SDS: variants seen among roughly 807,000 people sequenced by gnomAD.
SDS encodes the protein L-serine dehydratase/L-threonine deaminase.
In SDS, 19 loss-of-function variants were observed where a neutral mutation model predicts 29.3. The observed-to-expected ratio is 0.65, with a 90% CI of 0.45 to 0.95. The LOEUF (loss-of-function observed/expected upper bound fraction) is 0.95. SDS is among the 40% of genes least tolerant of loss of function. The pLI, the probability that SDS is intolerant of heterozygous loss-of-function variation, is 0.00. For synonymous variants in SDS, 176 were observed against 189.0 expected (o/e 0.93, Z 0.56); for missense variants, 375 against 439.9 (o/e 0.85, Z 1.32).
At chr12:113,393,355 T>TAA (rs1488999163) in intron 7 of SDS, among the ~76,000 whole-genome samples, 3 of 152,246 alleles carry the variant, frequency 2.0e-5, no homozygotes, top group Non-Finnish European at 4.4e-5. Context: ...TCATGAGTGC[T>TAA]AACACTGATA....
Position 113,397,310 on chromosome 12 carries a change from C to G in SDS, c.508G>C (p.Gly170Arg). Residue 170 changes from glycine (G) to arginine (R), a missense_variant, in exon 6 of 8, where the codon GGG (glycine) becomes CGG (arginine). Gly to Arg is a moderately radical substitution (Grantham distance 125). Coordinates refer to ENST00000257549, the MANE Select transcript of SDS (RefSeq NM_006843.3). The stretch of plus-strand genomic sequence containing the variant: ...TGGACCACTCCACACAGCAGGCCCC[C>G]GCCGCCCACTGACAGCGCGATGGCC... ...PGAIALSVGG[G>R]GLLCGVVQGL... 3 of 1,614,112 alleles carry G rather than the reference C, an allele frequency of 1.9e-6. No individual in the cohort carries two copies. Among genetic ancestry groups the G allele is most frequent in the Non-Finnish European group, 2.5e-6 (3 of 1,179,976 alleles).
At chr12:113,394,740 C>A (rs925507231) in intron 6 of SDS, among the ~76,000 whole-genome samples, 2 of 152,066 alleles carry the variant, frequency 1.3e-5, no homozygotes, top group Non-Finnish European at 2.9e-5. Context: ...CTAAGAGGAC[C>A]CTTGTTGTTC....
At position 113,398,794 on chromosome 12, in the gene SDS, G is replaced by C. The variant is rs559276465; in HGVS notation, c.246C>G (p.Pro82=). The change falls in exon 4 of 8, where the codon CCC becomes CCG. Residue 82 remains proline (P), a synonymous_variant. Coordinates refer to ENST00000257549, the MANE Select transcript of SDS (RefSeq NM_006843.3). ...AAYAARQLGV[P]ATIVVPSTTP... is the part of the protein sequence containing the mutation. ...TGGTGCTGGGCACCACGATGGTGGCGGGGACGCCGAGTTGCCTGGCCGCAT... is the reference window on the plus strand; with the variant it reads ...TGGTGCTGGGCACCACGATGGTGGCCGGGACGCCGAGTTGCCTGGCCGCAT... The C allele has an allele frequency of 1.2e-6, 2 of 1,613,250 alleles. No individual in the cohort carries two copies. The highest frequency in any genetic ancestry group is 1.7e-6 in the Non-Finnish European group (2 of 1,179,758).
At position 113,398,827 on chromosome 12, in the gene SDS, C is replaced by G; in HGVS notation, c.213G>C (p.Ala71=). The G allele has an allele frequency of 6.2e-7, 1 of 1,608,792 alleles. No homozygotes were observed. The highest frequency in any genetic ancestry group is 8.5e-7 in the Non-Finnish European group (1 of 1,177,792). The change falls in exon 4 of 8, where the codon GCG becomes GCC. Residue 71 remains alanine (A), a synonymous_variant. Coordinates refer to ENST00000257549, the MANE Select transcript of SDS (RefSeq NM_006843.3). ...CGAGTTGCCTGGCCGCATATGCAGC[C>G]GCCATGCCTGCGTTGCCCGCTGCCA... ...VCSSAGNAGM[A]AAYAARQLGV... is the part of the protein sequence containing the mutation.
chr12:113,400,240 C>A (rs568823517), intron 1 of SDS, among the ~76,000 whole-genome samples: 1 of 151,100 alleles, frequency 6.6e-6, no homozygotes, highest in African/African-American at 2.4e-5. Context: ...TTGCAGTGAG[C>A]GAGATCGCGC....
chr12:113,393,300 GGCCTGAATTGGCCCTTCCAA>G lies in SDS; in HGVS notation c.779-171_779-152del, dbSNP rs1957623332. On this transcript the variant is annotated intron_variant, in intron 7 of 7. Coordinates refer to ENST00000257549, the MANE Select transcript of SDS (RefSeq NM_006843.3). Reference sequence around the variant, plus strand: ...GTCCTGAACCAAACGTCCCGTCATCGGCCTGAATTGGCCCTTCCAAGCCTGAGCCAGGGCCTGGGTTTCAT... The same window carrying G: ...GTCCTGAACCAAACGTCCCGTCATCGGCCTGAGCCAGGGCCTGGGTTTCAT... 4.0e-6 allele frequency: 3 copies of G among 745,190 alleles called. No homozygotes were observed. In the South Asian group the frequency reaches 4.7e-5, roughly 12 times the overall value. The allele number at this position is 745,190 out of a possible 1,614,324, so 46.2% of individuals were successfully genotyped here.
intron 6 of SDS, among the ~76,000 whole-genome samples, chr12:113,394,346 T>TG (rs1383892288): frequency 1.3e-3 from 192 of 150,550 alleles, no homozygotes; most frequent in African/African-American, 4.4e-3. Flanking sequence ...TTTTTTTGTT[T>TG]TTTTTTTTTT....
In SDS at chr12:113,394,340, T is replaced by G. The variant is rs71442755; in HGVS notation, c.654-324A>C. ...GTTTTGTTTGTTTTTTTGTTGTTTT[T>G]TTGTTTTTTTTTTTTTTTAGACGGA... is the stretch of plus-strand genomic sequence containing the variant. On this transcript the variant is annotated intron_variant, in intron 6 of 7. Coordinates refer to ENST00000257549, the MANE Select transcript of SDS (RefSeq NM_006843.3). Among the ~76,000 whole-genome samples, 10 of 150,408 alleles carry G rather than the reference T, an allele frequency of 6.6e-5. No individual in the cohort carries two copies. The East Asian group carries it at 1.8e-3, about 26-fold the overall frequency.
At position 113,399,718 on chromosome 12, in the gene SDS, A is replaced by G; in HGVS notation, c.-2-8T>C. ...GTTCTCCAGACATCATTCCTGGGAG[A>G]AAGGAAGGAAACCCAGAGGGTTAGG... is the stretch of plus-strand genomic sequence containing the variant. On this transcript the variant is annotated splice_polypyrimidine_tract_variant and splice_region_variant and intron_variant, in intron 1 of 7. Coordinates refer to ENST00000257549, the MANE Select transcript of SDS (RefSeq NM_006843.3). The G allele has an allele frequency of 6.4e-7, 1 of 1,558,280 alleles. No individual in the cohort carries two copies. Among genetic ancestry groups the G allele is most frequent in the Non-Finnish European group, 8.7e-7 (1 of 1,151,508 alleles).
chr12:113,398,615 C>T lies in SDS; in HGVS notation c.334-9G>A. ...AAGGCTTCATCCAATAACTGCAAAG[C>T]CACAGGGGAGATAGGAGGGGGTGAG... On this transcript the variant is annotated splice_polypyrimidine_tract_variant and intron_variant, in intron 4 of 7. Coordinates refer to ENST00000257549, the MANE Select transcript of SDS (RefSeq NM_006843.3). The T allele has an allele frequency of 6.3e-7, 1 of 1,598,040 alleles. No homozygotes were observed. Among genetic ancestry groups the T allele is most frequent in the South Asian group, 1.1e-5 (1 of 89,848 alleles).
Position 113,399,124 on chromosome 12 carries a change from C to A in SDS, c.181G>T (p.Val61Phe). 1.9e-6 allele frequency: 3 copies of A among 1,613,990 alleles called. No individual in the cohort carries two copies. Among genetic ancestry groups the A allele is most frequent in the East Asian group, 2.2e-5 (1 of 44,890 alleles). ...RWAKQGCAHF[V>F]CSSAGNAGMA... ...GCAGATCACTTACCCGAGGAGCAGA[C>A]AAAATGTGCACAGCCTTGCTTGGCC... Residue 61 changes from valine to phenylalanine, a missense_variant, in exon 3 of 8, where the codon GTC (valine) becomes TTC (phenylalanine). By Grantham distance (50) the Val-to-Phe change is conservative. Coordinates refer to ENST00000257549, the MANE Select transcript of SDS (RefSeq NM_006843.3).
chr12:113,403,555 G>A (rs928998517), intron 1 of SDS, among the ~76,000 whole-genome samples: 4 of 151,902 alleles, frequency 2.6e-5, no homozygotes, highest in Non-Finnish European at 4.4e-5. Flanking sequence ...GTAGAGATTG[G>A]GGGGGGTCTC....
rs550939841 is a variant in SDS, at chr12:113,400,782, C to T, written c.-2-1072G>A. Among the ~76,000 whole-genome samples, 8 of 152,058 alleles carry T rather than the reference C, an allele frequency of 5.3e-5. No individual in the cohort carries two copies. In the South Asian group the frequency reaches 8.3e-4, roughly 16 times the overall value. On this transcript the variant is annotated intron_variant, in intron 1 of 7. Transcript: ENST00000257549. ...GGGGCCTCTGAGGAGAGCTGGCCCT[C>T]GGGATCATAGCACCCACCTTTTGCA...
chr12:113,393,055 G>C lies in SDS; in HGVS notation c.873C>G (p.Leu291=), dbSNP rs2044517343. 6.2e-7 allele frequency: 1 copy of C among 1,614,246 alleles called. No individual in the cohort carries two copies. The highest frequency in any genetic ancestry group is 8.5e-7 in the Non-Finnish European group (1 of 1,180,040). ...CCACGAGGGATGGCAGCGGGGTTCG[G>C]AGATTCCCCTCCAGTTGGAGCTTCT... ...VIQKLQLEGN[L]RTPLPSLVVI... is the part of the protein sequence containing the mutation. Residue 291 remains leucine, a synonymous_variant, in exon 8 of 8, where the codon CTC becomes CTG. Coordinates refer to ENST00000257549, the MANE Select transcript of SDS (RefSeq NM_006843.3).
At chr12:113,396,796 A>T (rs981948362) in intron 6 of SDS, 12 of 233,740 alleles carry the variant, frequency 5.1e-5, no homozygotes, top group Admixed American at 1.0e-4. Flanking sequence ...CAGTTAATTT[A>T]AAAAAAAAAC....
rs757519540 is a variant in SDS, at chr12:113,398,468, A to AG, written c.425+46dup. 4 of 1,182,646 alleles carry AG rather than the reference A, an allele frequency of 3.4e-6. No homozygotes were observed. In the Admixed American group the frequency reaches 8.4e-5, roughly 25 times the overall value. 73.3% of individuals were successfully genotyped at this position (1,182,646 alleles called of 1,614,324 possible). ...CATAGCAATGCCTGCCCAGTGATAT[A>AG]GGGCAGTGGCTGCCACCCCCACCAA... On this transcript the variant is annotated intron_variant, in intron 5 of 7. Transcript: ENST00000257549.
At chr12:113,399,492 C>A in intron 2 of SDS, 64 bp downstream of exon 2, 1 of 1,458,938 alleles carries the variant, frequency 6.9e-7, no homozygotes, top group South Asian at 1.4e-5. Flanking sequence ...CAGCACTGGC[C>A]CTGCCCTGTT....
chr12:113,396,540 CTCTCCCTTCCTT>C (rs1957646870), intron 6 of SDS: 1 of 60,120 alleles, frequency 1.7e-5, no homozygotes, highest in South Asian at 7.5e-4. Flanking sequence ...CTCCCTCCCT[CTCTCCCTTCCTT>C]CCTTCCTTCC....
At position 113,393,930 on chromosome 12, in the gene SDS, G is replaced by C. The variant is rs756631348; in HGVS notation, c.740C>G (p.Ser247Trp). ...QEHPIFSEVI[S>W]DQEAVAAIEK... ...AATGGCGGCCACAGCCTCCTGGTCCGAGATAACTTCAGAGAAAATGGGGTG... is the reference window on the plus strand; with the variant it reads ...AATGGCGGCCACAGCCTCCTGGTCCCAGATAACTTCAGAGAAAATGGGGTG... Residue 247 changes from serine to tryptophan, a missense_variant, in exon 7 of 8, where the codon TCG becomes TGG. Physicochemically the swap from Ser to Trp is radical, Grantham distance 177 (BLOSUM62 -3). Transcript: ENST00000257549. 1.2e-6 allele frequency: 2 copies of C among 1,614,058 alleles called. No individual in the cohort carries two copies. Among genetic ancestry groups the C allele is most frequent in the Admixed American group, 1.7e-5 (1 of 59,994 alleles).
Sources: gnomAD v4.1 joint callset for allele counts (sites outside exome capture counted in the v4.1 genomes callset) on GRCh38, gnomAD v4.1.1 for gene constraint, MANE v1.5 for transcripts, NCBI Gene and HGNC (gene_info 2026-07-23, HGNC 2026-07-21) for gene names.